The following N4BP2 variants were observed in gnomAD, a reference collection of about 807,000 sequenced individuals.
N4BP2 encodes the protein NEDD4-binding protein 2.
Under a neutral mutation model 152.8 loss-of-function variants are expected in N4BP2, and 91 were observed. That is an observed-to-expected ratio of 0.60 (90% confidence interval 0.50 to 0.71). The LOEUF (loss-of-function observed/expected upper bound fraction) is 0.71. Ranked by LOEUF, N4BP2 falls within the 30% of genes least tolerant of loss-of-function variation. The pLI is 0.00. For synonymous variants in N4BP2, 646 were observed against 705.3 expected (o/e 0.92, Z 1.33); for missense variants, 1,923 against 2,059.1 (o/e 0.93, Z 1.28).
intron 4 of N4BP2, among the ~76,000 whole-genome samples, chr4:40,106,472 A>G (rs1016506870): frequency 6.6e-6 from 1 of 152,138 alleles, no homozygotes; most frequent in African/African-American, 2.4e-5. Flanking sequence ...GCACACTACC[A>G]CACCTGCCTA....
intron 16 of N4BP2, among the ~76,000 whole-genome samples, chr4:40,147,085 T>C (rs550916541): frequency 7.5e-4 from 112 of 149,974 alleles, no homozygotes; most frequent in African/African-American, 2.4e-3. Flanking sequence ...TGTCCCTGGG[T>C]ACTTGAGATT....
chr4:40,105,381 T>C (rs1716166343), intron 4 of N4BP2, among the ~76,000 whole-genome samples: 1 of 150,632 alleles, frequency 6.6e-6, no homozygotes, highest in South Asian at 2.1e-4. Context: ...TGTTGTGCAG[T>C]GGTGTGATCT....
At chr4:40,149,902 GAAA>G (rs534686637) in intron 16 of N4BP2, among the ~76,000 whole-genome samples, 3 of 95,330 alleles carry the variant, frequency 3.1e-5, no homozygotes, top group African/African-American at 1.3e-4. Context: ...ATCTCAAAAA[GAAA>G]AAAAAAAAAA....
chr4:40,123,724 A>G (rs147590566), intron 10 of N4BP2, among the ~76,000 whole-genome samples: 28 of 151,436 alleles, frequency 1.8e-4, no homozygotes, highest in Non-Finnish European at 3.1e-4. Flanking sequence ...GCTTTAAGTG[A>G]TCCTCCTGCC....
rs773041168 is a variant in N4BP2 at position 40,122,010 on chromosome 4, A to T, written c.3899A>T (p.Asn1300Ile). 5 of 1,541,796 alleles carry T rather than the reference A, an allele frequency of 3.2e-6. No individual in the cohort carries two copies. The highest frequency in any genetic ancestry group is 4.4e-6 in the Non-Finnish European group (5 of 1,140,032). The change falls in exon 9 of 18, where the codon AAT (asparagine) becomes ATT (isoleucine). Residue 1300 changes from asparagine (N) to isoleucine (I), a missense_variant. Transcript: ENST00000261435. Reference sequence around the variant, plus strand: ...TCTAGTACTTCAAATCTTGAATTAAATGAAGAAATTTATTTTACTGATTCT... The same window carrying T: ...TCTAGTACTTCAAATCTTGAATTAATTGAAGAAATTTATTTTACTGATTCT... Reference protein sequence around the residue: ...FVSSTSNLELNEEIYFTDSLE... With the variant: ...FVSSTSNLELIEEIYFTDSLE...
In N4BP2 at chr4:40,120,658, G is replaced by A. The variant is rs752147972; in HGVS notation, c.2547G>A (p.Glu849=). The A allele has an allele frequency of 1.2e-6, 2 of 1,614,036 alleles. No individual in the cohort carries two copies. Among genetic ancestry groups the A allele is most frequent in the Admixed American group, 1.7e-5 (1 of 60,002 alleles). Residue 849 remains glutamate (E), a synonymous_variant, in exon 9 of 18, where the codon GAG becomes GAA. Transcript: ENST00000261435. ...QQRGSPHESV[E]DGRKSQCDDA... ...GAGGATCTCCACATGAAAGTGTAGA[G>A]GATGGCAGAAAGTCACAGTGTGATG...
At chr4:40,183,026 A>C in the N4BP2 span, among the ~76,000 whole-genome samples, 1 of 152,176 alleles carries the variant, frequency 6.6e-6, no homozygotes, top group Admixed American at 6.6e-5. Context: ...AACATTTAGA[A>C]AATAGAGGAA....
At position 40,102,743 on chromosome 4, in the gene N4BP2, C is replaced by T; in HGVS notation, c.898C>T (p.Leu300Phe). ...EPQACLNLPG[L>F]DLPGTGGDQK... ...TCAGGCTTGTTTAAACCTTCCAGGG[C>T]TTGATTTACCAGGTACAGGTGGGGA... Residue 300 changes from leucine (L) to phenylalanine (F), a missense_variant, in exon 4 of 18, where the codon CTT (leucine) becomes TTT (phenylalanine). Leu to Phe is a conservative substitution (Grantham distance 22, BLOSUM62 0). Transcript: ENST00000261435. 6.2e-7 allele frequency: 1 copy of T among 1,614,176 alleles called. No individual in the cohort carries two copies. Among genetic ancestry groups the T allele is most frequent in the Non-Finnish European group, 8.5e-7 (1 of 1,180,024 alleles).
the N4BP2 span, among the ~76,000 whole-genome samples, chr4:40,175,946 C>T: frequency 2.1e-5 from 3 of 142,406 alleles, no homozygotes; most frequent in East Asian, 2.1e-4. Flanking sequence ...AAAAATTAGC[C>T]GGGCGCGGTG....
intron 8 of N4BP2, among the ~76,000 whole-genome samples, chr4:40,118,259 A>G (rs759301843): frequency 1.3e-5 from 2 of 152,148 alleles, no homozygotes; most frequent in African/African-American, 2.4e-5. Context: ...CTCCACTAAA[A>G]GTACAAAATT....
chr4:40,086,741 A>T (rs1357682124), intron 2 of N4BP2, among the ~76,000 whole-genome samples: 5 of 151,416 alleles, frequency 3.3e-5, no homozygotes, highest in Admixed American at 6.6e-5. Flanking sequence ...ATATAGATTT[A>T]AAAAAATTAT....
chr4:40,131,613 A>G (rs950435461), intron 12 of N4BP2, among the ~76,000 whole-genome samples, 188 bp from the exon 13 acceptor site: 3 of 152,172 alleles, frequency 2.0e-5, no homozygotes, highest in African/African-American at 7.2e-5. Context: ...AATACTTTGC[A>G]AAAAATGAGA....
At chr4:40,189,919 CAT>C in the N4BP2 span, among the ~76,000 whole-genome samples, 1 of 139,942 alleles carries the variant, frequency 7.1e-6, no homozygotes, top group Non-Finnish European at 1.5e-5. This position sits in a 1 kb window ranked among gnomAD's most constrained non-coding sequence, Gnocchi z 4.3. Context: ...CACACAGACA[CAT>C]ACACACACAC....
intron 2 of N4BP2, among the ~76,000 whole-genome samples, chr4:40,074,649 T>C (rs1292052454): frequency 2.0e-5 from 3 of 152,194 alleles, no homozygotes; most frequent in South Asian, 4.1e-4. Flanking sequence ...TGAGGAAGCA[T>C]AAAGAACTGA....
rs1579057644 is a variant in N4BP2 at position 40,113,645 on chromosome 4, C to T, written c.1664+137C>T. On this transcript the variant is annotated intron_variant, in intron 7 of 17. Coordinates refer to ENST00000261435, the MANE Select transcript of N4BP2 (RefSeq NM_018177.6). ...TTTCTATTGCTTACGGCTTTTTGTC[C>T]AGTTTTATGAAGAGTTTCTTTGTGT... 4 of 692,390 alleles carry T rather than the reference C, an allele frequency of 5.8e-6. No individual in the cohort carries two copies. The South Asian group carries it at 7.3e-5, about 13-fold the overall frequency. The allele number at this position is 692,390 out of a possible 1,614,324, so 42.9% of individuals were successfully genotyped here. A position where few individuals can be genotyped will look rare whatever the true frequency, so the allele number is the denominator to read the frequency against.
the N4BP2 span, among the ~76,000 whole-genome samples, chr4:40,173,972 GTAA>G: frequency 6.6e-6 from 1 of 151,842 alleles, no homozygotes; most frequent in Non-Finnish European, 1.5e-5. Context: ...AATTATAAAA[GTAA>G]TAATGCTTGT....
intron 2 of N4BP2, among the ~76,000 whole-genome samples, chr4:40,091,004 TG>T (rs1181501467): frequency 5.4e-5 from 3 of 55,728 alleles, no homozygotes; most frequent in East Asian, 2.3e-3. Context: ...TGTATTTCTC[TG>T]TTTTTTTTTT....
In N4BP2 at chr4:40,122,304, A is replaced by G. The variant is rs1276697794; in HGVS notation, c.4193A>G (p.Asp1398Gly). The change falls in exon 9 of 18, where the codon GAT becomes GGT. Residue 1398 changes from aspartate to glycine, a missense_variant. Asp to Gly is a moderately conservative substitution (Grantham distance 94). Transcript: ENST00000261435. ...GAATTATTTGGTCCTGTTGGTATTGATTCAGGTAAGGAAAAAGTAAATGAC... is the reference window on the plus strand; with the variant it reads ...GAATTATTTGGTCCTGTTGGTATTGGTTCAGGTAAGGAAAAAGTAAATGAC... ...LNELFGPVGI[D>G]SGSLTVEDCV... is the part of the protein sequence containing the mutation. The G allele has an allele frequency of 1.3e-6, 2 of 1,557,150 alleles. No homozygotes were observed.
intron 1 of N4BP2, among the ~76,000 whole-genome samples, chr4:40,063,301 G>A (rs757165702): frequency 3.3e-5 from 5 of 152,214 alleles, no homozygotes; most frequent in Non-Finnish European, 7.3e-5. Context: ...AAGAGCTAGG[G>A]TGGGAACTTT....
Sources: allele counts gnomAD v4.1 joint callset (sites outside exome capture counted in the v4.1 genomes callset), GRCh38; gene constraint gnomAD v4.1.1; non-coding constraint Gnocchi (gnomAD v3.1); transcripts MANE v1.5; gene names NCBI Gene and HGNC (gene_info 2026-07-23, HGNC 2026-07-21).